Variants in PAK4 observed in about 807,000 individuals in gnomAD.
The protein encoded by PAK4 is p21 (RAC1) activated kinase 4.
A neutral mutation model predicts 53.5 loss-of-function variants in PAK4; 49 were observed. That is an observed-to-expected ratio of 0.92 (90% CI 0.73 to 1.16). The LOEUF (loss-of-function observed/expected upper bound fraction) is 1.16, where lower values mean the gene tolerates loss of function less well. Among genes scored for constraint, PAK4 ranks in the 50% most tolerant of loss-of-function variants. The probability of loss-of-function intolerance (pLI) is 0.00; values close to 1 mark genes in which losing one functional copy is unlikely to be tolerated. For synonymous variants in PAK4, 376 were observed against 375.6 expected, an observed-to-expected ratio of 1.00 and a Z score of -0.01; for missense variants, 824 against 850.7, an observed-to-expected ratio of 0.97 and a Z score of 0.39.
chr19:39,140,274 G>A (rs1305513757), intron 1 of PAK4, among the ~76,000 whole-genome samples: 1 of 152,170 alleles, frequency 6.6e-6, no homozygotes, highest in African/African-American at 2.4e-5. Flanking sequence ...GGGGAGATGG[G>A]TTCTGCAGGC....
rs1308289689 is a variant in PAK4, at chr19:39,175,023, C to T, written c.1191C>T (p.Phe397=). 1.2e-6 allele frequency: 2 copies of T among 1,613,546 alleles called. No individual in the cohort carries two copies. The highest frequency in any genetic ancestry group is 2.7e-5 in the African/African-American group (2 of 74,870). The stretch of plus-strand genomic sequence containing the variant: ...ACGAGCTCTGGGTGGTCATGGAGTT[C>T]CTGGAAGGAGGCGCCCTCACCGACA... Residue 397 remains phenylalanine (F), a synonymous_variant, in exon 5 of 9, where the codon TTC becomes TTT. Transcript: ENST00000358301. This position sits in a 1 kb window ranked among gnomAD's most constrained non-coding sequence, Gnocchi z 4.7.
At chr19:39,172,639 G>A (rs555697558) in intron 2 of PAK4, among the ~76,000 whole-genome samples, 1 of 152,254 alleles carries the variant, frequency 6.6e-6, no homozygotes, top group African/African-American at 2.4e-5. Flanking sequence ...CCACCAGTGT[G>A]AGGAACAGGA....
chr19:39,137,302 G>A (rs1079442), intron 1 of PAK4, among the ~76,000 whole-genome samples: 39,935 of 151,946 alleles, frequency 0.26, 5,343 homozygotes, highest in East Asian at 0.4. Context: ...GGCAGGAGAA[G>A]GCCTGGTGTG....
rs532644325 is a variant in PAK4 at position 39,161,757 on chromosome 19, G to A, written c.-22-7775G>A. 6.6e-6 allele frequency among the ~76,000 whole-genome samples: 1 copy of A among 151,296 alleles called. No individual in the cohort carries two copies. The highest frequency in any genetic ancestry group is 1.5e-5 in the Non-Finnish European group (1 of 67,876). On this transcript the variant is annotated intron_variant, in intron 1 of 8. Coordinates refer to ENST00000358301, the Ensembl canonical transcript of PAK4. The surrounding 1 kb of genome is among the most constrained non-coding windows in gnomAD (Gnocchi z 4.5). The stretch of plus-strand genomic sequence containing the variant: ...GGCCTGTCCTTCCACTTGCCCCCTC[G>A]CCCACCCTGCTCCAGCCACGTGGCC...
At chr19:39,154,494 G>A (rs1600354568) in intron 1 of PAK4, among the ~76,000 whole-genome samples, 1 of 152,346 alleles carries the variant, frequency 6.6e-6, no homozygotes, top group African/African-American at 2.4e-5. Flanking sequence ...GGCCAGGGTG[G>A]AAGGAGGACA....
intron 1 of PAK4, among the ~76,000 whole-genome samples, chr19:39,156,335 A>C (rs1600359804): frequency 7.7e-6 from 1 of 129,940 alleles, no homozygotes; most frequent in Non-Finnish European, 1.6e-5. Flanking sequence ...CTCCCCAGCC[A>C]CCCCCACGTA....
At chr19:39,131,255 C>G (rs949064163) in intron 1 of PAK4, among the ~76,000 whole-genome samples, 27 of 152,152 alleles carry the variant, frequency 1.8e-4, no homozygotes, top group Admixed American at 1.6e-3. Flanking sequence ...TCAGCTGGTT[C>G]TTACCCAGGC....
intron 1 of PAK4, among the ~76,000 whole-genome samples, chr19:39,131,225 A>G (rs978500312): frequency 6.6e-6 from 1 of 152,122 alleles, no homozygotes; most frequent in Admixed American, 6.5e-5. Context: ...TGGCTCGGAC[A>G]AGACAGGCCT....
At chr19:39,126,873 G>A (rs537281190) in intron 1 of PAK4, among the ~76,000 whole-genome samples, 2 of 152,308 alleles carry the variant, frequency 1.3e-5, no homozygotes, top group East Asian at 1.9e-4. Context: ...GGAAAAATGA[G>A]GCTCAGAAGC....
chr19:39,130,012 C>A (rs1478649805), intron 1 of PAK4, among the ~76,000 whole-genome samples: 4 of 151,034 alleles, frequency 2.6e-5, no homozygotes, highest in African/African-American at 9.7e-5. Flanking sequence ...AGGAGACAGA[C>A]CTGCTGTCCC....
intron 1 of PAK4, among the ~76,000 whole-genome samples, chr19:39,137,346 G>C (rs563230149): frequency 6.6e-6 from 1 of 151,966 alleles, no homozygotes; most frequent in African/African-American, 2.4e-5. Flanking sequence ...TTCTAGATCC[G>C]GGAAGCTCTT....
exon 5 of PAK4, chr19:39,174,979 A>G (rs781535597): frequency 3.7e-6 from 6 of 1,613,876 alleles, no homozygotes; most frequent in Non-Finnish European, 5.1e-6. Flanking sequence ...GGAGATGTAC[A>G]ACAGCTACCT....
chr19:39,149,787 C>T lies in PAK4; in HGVS notation c.-22-19745C>T, dbSNP rs549179724. 7.2e-5 allele frequency among the ~76,000 whole-genome samples: 11 copies of T among 152,164 alleles called. No individual in the cohort carries two copies. The East Asian group carries it at 1.4e-3, about 19-fold the overall frequency. ...ATGAGAATGGCTAGAACCCGGGAGG[C>T]GGAGGTTGCAGTGAGCTGAGATTGC... On this transcript the variant is annotated intron_variant, in intron 1 of 8. Transcript: ENST00000358301.
chr19:39,173,853 C>T lies in PAK4; in HGVS notation c.941C>T (p.Pro314Leu), dbSNP rs2074543953. ...GCTGCCCTGCAGCTGGTGGTGGACC[C>T]AGGCGACCCCCGCTCCTACCTGGAC... is the stretch of plus-strand genomic sequence containing the variant. The change falls in exon 4 of 9, where the codon CCA becomes CTA. Residue 314 changes from proline (P) to leucine (L), a missense_variant. By Grantham distance (98) the Pro-to-Leu change is moderately conservative. Transcript: ENST00000358301. The surrounding 1 kb of genome is among the most constrained non-coding windows in gnomAD (Gnocchi z 6.9). 6.2e-7 allele frequency: 1 copy of T among 1,612,666 alleles called. No individual in the cohort carries two copies. The highest frequency in any genetic ancestry group is 2.2e-5 in the East Asian group (1 of 44,842).
intron 1 of PAK4, among the ~76,000 whole-genome samples, chr19:39,160,039 TG>T (rs1168411897): frequency 3.3e-5 from 5 of 152,178 alleles, no homozygotes; most frequent in Admixed American, 6.5e-5. Flanking sequence ...TGTGGCTGGG[TG>T]GGCCCCCCTG....
At chr19:39,151,771 TTTTA>T (rs1423823581) in intron 1 of PAK4, among the ~76,000 whole-genome samples, 7 of 152,138 alleles carry the variant, frequency 4.6e-5, no homozygotes, top group Non-Finnish European at 1.0e-4. Context: ...AATTCATATG[TTTTA>T]TTTATTTATT....
intron 1 of PAK4, among the ~76,000 whole-genome samples, chr19:39,151,591 C>T (rs912109728): frequency 2.0e-5 from 3 of 152,214 alleles, no homozygotes; most frequent in Middle Eastern, 3.2e-3. Flanking sequence ...GGACTGGCTC[C>T]AGACATCACG....
intron 1 of PAK4, among the ~76,000 whole-genome samples, chr19:39,139,324 A>T (rs945464025): frequency 1.3e-5 from 2 of 152,124 alleles, no homozygotes; most frequent in Non-Finnish European, 2.9e-5. Context: ...AGACACTGAG[A>T]AGTACACTGA....
Position 39,173,385 on chromosome 19 carries a change from T to TC in PAK4, c.663+14dup, listed in dbSNP as rs935752563. The TC allele has an allele frequency of 1.3e-6, 2 of 1,510,986 alleles. No individual in the cohort carries two copies. Among genetic ancestry groups the TC allele is most frequent in the Non-Finnish European group, 1.8e-6 (2 of 1,128,288 alleles). The allele number at this position is 1,510,986 out of a possible 1,614,324, so 93.6% of individuals were successfully genotyped here. On this transcript the variant is annotated intron_variant, in intron 3 of 8. Coordinates refer to ENST00000358301, the Ensembl canonical transcript of PAK4. This position sits in a 1 kb window ranked among gnomAD's most constrained non-coding sequence, Gnocchi z 6.9. ...CATCCCGGGGTGCCCAGGTAACCCA[T>TC]CCCCCGCCCCAGGGCCCCCACTGTC...
Sources: gnomAD v4.1 joint callset for allele counts (sites outside exome capture counted in the v4.1 genomes callset) on GRCh38, gnomAD v4.1.1 for gene constraint, Gnocchi (gnomAD v3.1) non-coding constraint, MANE v1.5 for transcripts, NCBI Gene and HGNC (gene_info 2026-07-23, HGNC 2026-07-21) for gene names.